PTPRF: variants seen among roughly 807,000 people sequenced by gnomAD.
PTPRF encodes protein tyrosine phosphatase receptor type F, also known as receptor-type tyrosine-protein phosphatase F.
PTPRF carries 59 observed loss-of-function variants against 201.8 expected under a neutral mutation model. The observed-to-expected ratio is 0.29, with a 90% CI of 0.24 to 0.36. PTPRF has a LOEUF of 0.36. Ranked by LOEUF, PTPRF falls within the 10% of genes least tolerant of loss-of-function variation. The pLI is 1.00. For missense variants in PTPRF, 2,132 were observed against 2,690.5 expected (o/e 0.79, Z 4.59); for synonymous variants, 1,088 against 1,089.7 (o/e 1.00, Z 0.03).
At chr1:43,586,086 G>A (rs1010170268) in intron 7 of PTPRF, among the ~76,000 whole-genome samples, 10 of 152,166 alleles carry the variant, frequency 6.6e-5, no homozygotes, top group South Asian at 6.2e-4. Flanking sequence ...CTCCTACTAC[G>A]TATATAAACT....
intron 23 of PTPRF, among the ~76,000 whole-genome samples, chr1:43,615,245 G>A (rs1333220345): frequency 6.6e-6 from 1 of 152,194 alleles, no homozygotes; most frequent in African/African-American, 2.4e-5. Flanking sequence ...GCCCCCCTGG[G>A]GCCCTGCTCC....
upstream of PTPRF, among the ~76,000 whole-genome samples, chr1:43,530,127 G>A (rs540593702): frequency 6.6e-6 from 1 of 152,152 alleles, no homozygotes; most frequent in East Asian, 1.9e-4. This position sits in a 1 kb window ranked among gnomAD's most constrained non-coding sequence, Gnocchi z 4.1. Flanking sequence ...TCAAGTTTGG[G>A]TGGGGTTTCA....
Position 43,591,535 on chromosome 1 carries a change from G to T in PTPRF, c.1513G>T (p.Val505Phe), listed in dbSNP as rs1168074813. 1 of 1,588,200 alleles carries T rather than the reference G, an allele frequency of 6.3e-7. No homozygotes were observed. The highest frequency in any genetic ancestry group is 1.7e-5 in the Admixed American group (1 of 58,294). Reference protein sequence around the residue: ...GDGPPSPTIQVKTQQGVPAQP... With the variant: ...GDGPPSPTIQFKTQQGVPAQP... ...TGGCCCTCCCAGCCCCACCATCCAG[G>T]TCAAGACGCAGCAGGGAGGTAGGTG... The change falls in exon 9 of 34, where the codon GTC becomes TTC. Residue 505 changes from valine (V) to phenylalanine (F), a missense_variant. Val to Phe is a conservative substitution (Grantham distance 50, BLOSUM62 -1). Coordinates refer to ENST00000359947, the MANE Select transcript of PTPRF (RefSeq NM_002840.5).
intron 26 of PTPRF, 108 bp downstream of exon 26, chr1:43,618,857 C>T (rs376775223): frequency 4.0e-6 from 6 of 1,504,328 alleles, no homozygotes; most frequent in South Asian, 1.3e-5. Flanking sequence ...GTTGGAGGGT[C>T]GGAGGCTCAG....
upstream of PTPRF, among the ~76,000 whole-genome samples, chr1:43,523,624 T>C (rs1185050630): frequency 1.3e-5 from 2 of 152,042 alleles, no homozygotes; most frequent in Non-Finnish European, 2.9e-5. Context: ...TTTTAAGACA[T>C]GGAGATCATA....
At chr1:43,550,382 C>T (rs530839509) in intron 3 of PTPRF, among the ~76,000 whole-genome samples, 1 of 152,220 alleles carries the variant, frequency 6.6e-6, no homozygotes, top group African/African-American at 2.4e-5. Flanking sequence ...CGCACTCGCC[C>T]GGCCATTCCG....
upstream of PTPRF, among the ~76,000 whole-genome samples, chr1:43,523,949 G>C (rs1355410700): frequency 6.7e-6 from 1 of 149,298 alleles, no homozygotes; most frequent in Non-Finnish European, 1.5e-5. Flanking sequence ...TGTGGTCCCA[G>C]CTACTCGGGA....
chr1:43,526,891 C>T (rs190577156), upstream of PTPRF, among the ~76,000 whole-genome samples: 1 of 152,332 alleles, frequency 6.6e-6, no homozygotes, highest in Non-Finnish European at 1.5e-5. Flanking sequence ...AAAAATCCTT[C>T]CACCTTTCTC....
intron 5 of PTPRF, among the ~76,000 whole-genome samples, chr1:43,556,452 G>C (rs577056998): frequency 6.6e-6 from 1 of 152,172 alleles, no homozygotes; most frequent in East Asian, 1.9e-4. Context: ...AGTAGAGACG[G>C]GGTTTCACCA....
At chr1:43,620,716 C>A in intron 31 of PTPRF, 122 bp from the exon 32 acceptor site, 1 of 1,522,940 alleles carries the variant, frequency 6.6e-7, no homozygotes, top group Non-Finnish European at 8.9e-7. Context: ...ACATCTCCCC[C>A]TGTGGCCTCG....
Position 43,553,826 on chromosome 1 carries a change from G to A in PTPRF, c.264G>A (p.Gly88=). The stretch of plus-strand genomic sequence containing the variant: ...TCATTGAGTTTGATGATGGGGCAGG[G>A]TCAGTGCTTCGGATCCAGCCATTGC... ...FEVIEFDDGA[G]SVLRIQPLRV... The change falls in exon 5 of 34, where the codon GGG becomes GGA. Residue 88 remains glycine, a synonymous_variant. Transcript: ENST00000359947. This position sits in a 1 kb window ranked among gnomAD's most constrained non-coding sequence, Gnocchi z 4.1. 6.2e-7 allele frequency: 1 copy of A among 1,614,212 alleles called. No individual in the cohort carries two copies. Among genetic ancestry groups the A allele is most frequent in the South Asian group, 1.1e-5 (1 of 91,078 alleles).
intron 5 of PTPRF, among the ~76,000 whole-genome samples, chr1:43,564,846 G>A (rs1214713737): frequency 5.9e-5 from 9 of 152,146 alleles, no homozygotes; most frequent in Admixed American, 1.3e-4. Context: ...CCTGCAAGGC[G>A]TCTCCATCTG....
chr1:43,544,635 G>C (rs918216797), intron 2 of PTPRF, among the ~76,000 whole-genome samples: 4 of 152,196 alleles, frequency 2.6e-5, no homozygotes, highest in African/African-American at 9.7e-5. Context: ...TCTGTCCCAC[G>C]TAAGCGTCTC....
rs76994457 is a variant in PTPRF at position 43,586,662 on chromosome 1, G to T, written c.680-2069G>T. 7.1e-3 allele frequency among the ~76,000 whole-genome samples: 1,079 copies of T among 152,328 alleles called. 6 individuals carry two copies. The highest frequency in any genetic ancestry group is 0.011 in the Non-Finnish European group (750 of 68,026). The stretch of plus-strand genomic sequence containing the variant: ...AAATCTGAAAAGTGTAGTAGATTTG[G>T]TGCTGGGCAGGGCTAGATCCAGGTA... On this transcript the variant is annotated intron_variant, in intron 7 of 33. Transcript: ENST00000359947.
rs1395648509 is a variant in PTPRF, at chr1:43,603,111, T to C, written c.2341-305T>C. 6.6e-6 allele frequency among the ~76,000 whole-genome samples: 1 copy of C among 152,178 alleles called. No homozygotes were observed. Among genetic ancestry groups the C allele is most frequent in the African/African-American group, 2.4e-5 (1 of 41,446 alleles). The stretch of plus-strand genomic sequence containing the variant: ...GCGAGGCTGTGCCCTGTTGATATCC[T>C]CAGTCTCCGTTCACAGCACAGTGGA... On this transcript the variant is annotated intron_variant, in intron 14 of 33. Transcript: ENST00000359947. The surrounding 1 kb of genome is among the most constrained non-coding windows in gnomAD (Gnocchi z 5.8).
chr1:43,566,182 G>A (rs1438010053), intron 5 of PTPRF, among the ~76,000 whole-genome samples: 1 of 152,170 alleles, frequency 6.6e-6, no homozygotes, highest in African/African-American at 2.4e-5. Context: ...GGGTGTTCAC[G>A]CCTAGAGCGC....
chr1:43,592,632 C>A, intron 11 of PTPRF, 31 bp downstream of exon 11: 1 of 1,551,436 alleles, frequency 6.4e-7, no homozygotes, highest in Middle Eastern at 1.7e-4. Flanking sequence ...CTGCCTGTTA[C>A]ACCTGGGCTG....
At chr1:43,562,542 G>A (rs1340103502) in intron 5 of PTPRF, among the ~76,000 whole-genome samples, 2 of 151,972 alleles carry the variant, frequency 1.3e-5, no homozygotes, top group African/African-American at 4.8e-5. Context: ...AATAGCTTGG[G>A]ATTACAGGCA....
intron 12 of PTPRF, 154 bp downstream of exon 12, chr1:43,598,207 G>T (rs1400187885): frequency 1.3e-6 from 1 of 786,308 alleles, no homozygotes; most frequent in Non-Finnish European, 1.9e-6. Context: ...GTCACTTACG[G>T]GATAACTGAG....
Sources: gnomAD v4.1 joint callset for allele counts (sites outside exome capture counted in the v4.1 genomes callset) on GRCh38, gnomAD v4.1.1 for gene constraint, Gnocchi (gnomAD v3.1) non-coding constraint, MANE v1.5 for transcripts, NCBI Gene and HGNC (gene_info 2026-07-23, HGNC 2026-07-21) for gene names.